SMPD3: variants seen among roughly 807,000 people sequenced by gnomAD.
The protein encoded by SMPD3 is nSMase-2.
Under a neutral mutation model 55.7 loss-of-function variants are expected in SMPD3, and 21 were observed. The ratio of observed to expected loss-of-function variants is 0.38; its 90% confidence interval spans 0.27 to 0.54. SMPD3 has a LOEUF of 0.54. SMPD3 is among the 20% of genes least tolerant of loss of function. The pLI, the probability that SMPD3 is intolerant of heterozygous loss-of-function variation, is 0.80. For synonymous variants in SMPD3, 457 were observed against 404.3 expected (o/e 1.13, Z -1.56); for missense variants, 842 against 899.6 (o/e 0.94, Z 0.82).
Position 68,372,386 on chromosome 16 carries a change from C to A in SMPD3, c.-205G>T. 3.1e-6 allele frequency: 2 copies of A among 642,794 alleles called. No individual in the cohort carries two copies. The highest frequency in any genetic ancestry group is 2.7e-6 in the Non-Finnish European group (1 of 374,026). The allele number at this position is 642,794 out of a possible 1,614,324, so 39.8% of individuals were successfully genotyped here. The stretch of plus-strand genomic sequence containing the variant: ...GGGCCATGCGGAGGCCTACTGCAGA[C>A]CCTGCAGAGACAAAAGTAGGGGGAC... On this transcript the variant is annotated splice_region_variant and 5_prime_UTR_variant, in exon 3 of 9. Transcript: ENST00000219334.
chr16:68,414,540 G>T (rs1388073744), intron 1 of SMPD3, among the ~76,000 whole-genome samples: 1 of 152,218 alleles, frequency 6.6e-6, no homozygotes, highest in East Asian at 1.9e-4. Flanking sequence ...TTCCTGGTGG[G>T]AGACTCTGGG....
At chr16:68,443,393 C>T (rs1387345811) in intron 1 of SMPD3, among the ~76,000 whole-genome samples, 1 of 152,200 alleles carries the variant, frequency 6.6e-6, no homozygotes, top group Non-Finnish European at 1.5e-5. Context: ...AATCTCTTAA[C>T]AATATCTGAG....
At chr16:68,407,626 C>T (rs968763343) in intron 1 of SMPD3, among the ~76,000 whole-genome samples, 2 of 152,158 alleles carry the variant, frequency 1.3e-5, no homozygotes, top group African/African-American at 2.4e-5. Context: ...TGAGCTACTA[C>T]AGGAGCCTAT....
At chr16:68,374,304 G>T (rs886511345) in intron 2 of SMPD3, among the ~76,000 whole-genome samples, 2 of 152,260 alleles carry the variant, frequency 1.3e-5, no homozygotes, top group African/African-American at 2.4e-5. Flanking sequence ...CATCTCCAGG[G>T]CTTAGCGTCT....
At chr16:68,370,497 AC>A (rs1159368712) in intron 3 of SMPD3, among the ~76,000 whole-genome samples, 1 of 152,014 alleles carries the variant, frequency 6.6e-6, no homozygotes, top group Non-Finnish European at 1.5e-5. Context: ...CTCCACGGCT[AC>A]CACCGCCACT....
At chr16:68,448,089 C>A (rs1161394954) in intron 1 of SMPD3, among the ~76,000 whole-genome samples, 1 of 152,146 alleles carries the variant, frequency 6.6e-6, no homozygotes, top group Non-Finnish European at 1.5e-5. Flanking sequence ...CAAGCCTCCT[C>A]GCTCTCCCAG....
intron 1 of SMPD3, among the ~76,000 whole-genome samples, chr16:68,440,808 C>G (rs1050582010): frequency 3.3e-5 from 5 of 152,294 alleles, no homozygotes; most frequent in South Asian, 2.1e-4. Context: ...CCCTGATTCC[C>G]CTGAGGAATC....
At chr16:68,433,592 C>A (rs531587903) in intron 1 of SMPD3, among the ~76,000 whole-genome samples, 1 of 152,328 alleles carries the variant, frequency 6.6e-6, no homozygotes, top group South Asian at 2.1e-4. Flanking sequence ...CACGTTGGAG[C>A]TGCCAGTGGA....
At chr16:68,373,156 G>C (rs2089718627) in intron 2 of SMPD3, among the ~76,000 whole-genome samples, 3 of 152,234 alleles carry the variant, frequency 2.0e-5, no homozygotes, top group African/African-American at 7.2e-5. Flanking sequence ...CCCTGGGGCT[G>C]TGTGGGTCTG....
Position 68,447,384 on chromosome 16 carries a change from C to T in SMPD3, c.-269+969G>A, listed in dbSNP as rs1276093833. Among the ~76,000 whole-genome samples, 1 of 152,186 alleles carries T rather than the reference C, an allele frequency of 6.6e-6. No homozygotes were observed. The highest frequency in any genetic ancestry group is 2.4e-5 in the African/African-American group (1 of 41,454). On this transcript the variant is annotated intron_variant, in intron 1 of 8. Coordinates refer to ENST00000219334, the MANE Select transcript of SMPD3 (RefSeq NM_018667.4). The surrounding 1 kb of genome is among the most constrained non-coding windows in gnomAD (Gnocchi z 5.1). ...CTGTACATGCCCATCTGGGATTGGC[C>T]CCCAGCTGCGGTGCCAGAGGCTCGG...
intron 1 of SMPD3, among the ~76,000 whole-genome samples, chr16:68,446,179 G>C (rs1353346401): frequency 6.6e-6 from 1 of 152,160 alleles, no homozygotes; most frequent in Non-Finnish European, 1.5e-5. Flanking sequence ...CTTTGGAGCA[G>C]CCTATTACAG....
At chr16:68,441,812 C>CTAGG (rs2090568417) in intron 1 of SMPD3, among the ~76,000 whole-genome samples, 1 of 152,082 alleles carries the variant, frequency 6.6e-6, no homozygotes, top group South Asian at 2.1e-4. Context: ...GTTGCCCAGG[C>CTAGG]TAGGGTGTGG....
intron 1 of SMPD3, among the ~76,000 whole-genome samples, chr16:68,394,589 T>C (rs2152006541): frequency 6.6e-6 from 1 of 152,368 alleles, no homozygotes; most frequent in East Asian, 1.9e-4. Flanking sequence ...ACACTGCTGC[T>C]CATCATTTAG....
chr16:68,361,735 G>C lies in SMPD3; in HGVS notation c.1734C>G (p.Arg578=). The C allele has an allele frequency of 6.2e-7, 1 of 1,612,858 alleles. No individual in the cohort carries two copies. The highest frequency in any genetic ancestry group is 2.2e-5 in the East Asian group (1 of 44,872). Residue 578 remains arginine, a synonymous_variant, in exon 8 of 9, where the codon CGC becomes CGG. Transcript: ENST00000219334. ...TGGTGGGAAACGCCAGGTACTCCCT[G>C]CGGCCCTCCTCACTCTCCAGGACCC... The part of the protein sequence containing the change: ...LQKVLESEEG[R]REYLAFPTSK...
chr16:68,443,577 T>C (rs1203132771), intron 1 of SMPD3, among the ~76,000 whole-genome samples: 2 of 152,114 alleles, frequency 1.3e-5, no homozygotes, highest in African/African-American at 4.8e-5. Context: ...CCTGTGAAAA[T>C]TTTCCACAGT....
At chr16:68,390,165 A>C (rs911758663) in intron 1 of SMPD3, among the ~76,000 whole-genome samples, 4 of 152,234 alleles carry the variant, frequency 2.6e-5, no homozygotes, top group Admixed American at 2.0e-4. Context: ...GTAAACTGTC[A>C]CGGCGCTGGT....
intron 3 of SMPD3, 65 bp downstream of exon 3, chr16:68,370,794 C>T: frequency 6.9e-6 from 11 of 1,587,976 alleles, no homozygotes; most frequent in Non-Finnish European, 8.6e-6. Flanking sequence ...CGCTGCAGCC[C>T]CCCTGCCTAC....
intron 3 of SMPD3, among the ~76,000 whole-genome samples, chr16:68,365,510 C>T (rs1597590914): frequency 6.7e-6 from 1 of 148,846 alleles, no homozygotes; most frequent in East Asian, 2.0e-4. Flanking sequence ...TGCTTTCTCC[C>T]CCTGAAATCT....
At chr16:68,397,212 A>T (rs968103470) in intron 1 of SMPD3, among the ~76,000 whole-genome samples, 7 of 152,170 alleles carry the variant, frequency 4.6e-5, no homozygotes, top group African/African-American at 1.7e-4. Flanking sequence ...TAAGGGAGGA[A>T]CACCCCAGGG....
Sources: allele counts gnomAD v4.1 joint callset (sites outside exome capture counted in the v4.1 genomes callset), GRCh38; gene constraint gnomAD v4.1.1; non-coding constraint Gnocchi (gnomAD v3.1); transcripts MANE v1.5; gene names NCBI Gene and HGNC (gene_info 2026-07-23, HGNC 2026-07-21).